MRAS: variants seen among roughly 807,000 people sequenced by gnomAD.
The protein encoded by MRAS is ras-related protein M-Ras.
MRAS carries 4 observed loss-of-function variants against 20.9 expected under a neutral mutation model. That is an observed-to-expected ratio of 0.19 (90% CI 0.09 to 0.44). MRAS has a LOEUF of 0.44. Among genes scored for constraint, MRAS ranks in the 20% least tolerant of loss-of-function variants. The pLI, the probability that MRAS is intolerant of heterozygous loss-of-function variation, is 0.99. For synonymous variants in MRAS, 98 were observed against 102.9 expected (o/e 0.95, Z 0.29); for missense variants, 154 against 277.5 (o/e 0.56, Z 3.16).
intron 1 of MRAS, among the ~76,000 whole-genome samples, chr3:138,370,659 G>T (rs538920381): frequency 2.0e-5 from 3 of 152,310 alleles, no homozygotes; most frequent in Non-Finnish European, 2.9e-5. Flanking sequence ...CAAAGGAGCT[G>T]AAATCCCCAC....
Position 138,402,445 on chromosome 3 carries a change from C to T in MRAS, c.*176C>T, listed in dbSNP as rs150456641. The T allele has an allele frequency of 8.1e-5, 47 of 583,498 alleles. No homozygotes were observed. Among genetic ancestry groups the T allele is most frequent in the African/African-American group, 4.9e-4 (26 of 53,050 alleles). The allele number at this position is 583,498 out of a possible 1,614,324, so 36.1% of individuals were successfully genotyped here. On this transcript the variant is annotated 3_prime_UTR_variant, in exon 6 of 6. Transcript: ENST00000423968. ...AGGGTCTGGCTTTGCCCAGAGGGCA[C>T]GGGCTTTCCCACCTCTCAAAGAGAC...
At chr3:138,397,515 C>A (rs759837390) in intron 3 of MRAS, 38 bp downstream of exon 3, 2 of 1,609,488 alleles carry the variant, frequency 1.2e-6, no homozygotes, top group Non-Finnish European at 1.7e-6. Flanking sequence ...CGGGAAGAGG[C>A]CTGCGCCTGC....
chr3:138,397,896 A>C (rs2055275752), intron 3 of MRAS, among the ~76,000 whole-genome samples: 1 of 152,234 alleles, frequency 6.6e-6, no homozygotes, highest in African/African-American at 2.4e-5. Flanking sequence ...AAAATGGCTC[A>C]AATGTGGGAA....
At chr3:138,371,507 T>C (rs74525605) in intron 1 of MRAS, among the ~76,000 whole-genome samples, 1 of 152,194 alleles carries the variant, frequency 6.6e-6, no homozygotes. Context: ...TTCTTTGTCC[T>C]CCCTGCCACA....
At chr3:138,381,970 C>T (rs1396224426) in intron 2 of MRAS, among the ~76,000 whole-genome samples, 1 of 152,184 alleles carries the variant, frequency 6.6e-6, no homozygotes, top group Non-Finnish European at 1.5e-5. Context: ...GCTTTATGCT[C>T]AGCAGGCCTT....
At chr3:138,369,534 G>A (rs1394714608) in intron 1 of MRAS, among the ~76,000 whole-genome samples, 5 of 152,166 alleles carry the variant, frequency 3.3e-5, no homozygotes, top group South Asian at 2.1e-4. Flanking sequence ...CCAGCGACAG[G>A]CATTGAATGT....
At chr3:138,381,539 TC>T (rs748968043) in intron 2 of MRAS, among the ~76,000 whole-genome samples, 14 of 152,126 alleles carry the variant, frequency 9.2e-5, no homozygotes, top group Non-Finnish European at 1.9e-4. Flanking sequence ...ACCCTCTGGC[TC>T]CCAGCCCCGC....
rs903222733 is a variant in MRAS at position 138,402,322 on chromosome 3, C to G, written c.*53C>G. On this transcript the variant is annotated 3_prime_UTR_variant, in exon 6 of 6. Transcript: ENST00000423968. ...GGTGGCCTGGCCAGCCCTCGGGACC[C>G]CTCCCCACCTAACTGCACTGAAACC... 4.0e-5 allele frequency: 58 copies of G among 1,459,582 alleles called. No individual in the cohort carries two copies. Among genetic ancestry groups the G allele is most frequent in the Non-Finnish European group, 5.3e-5 (55 of 1,045,348 alleles). 90.4% of individuals were successfully genotyped at this position (1,459,582 alleles called of 1,614,324 possible). A position where few individuals can be genotyped will look rare whatever the true frequency, so the allele number is the denominator to read the frequency against.
intron 2 of MRAS, among the ~76,000 whole-genome samples, chr3:138,394,177 C>T (rs1407709411): frequency 1.3e-5 from 2 of 151,918 alleles, no homozygotes; most frequent in Admixed American, 1.3e-4. Context: ...GGGGAAACTG[C>T]CCGGTCCTTG....
intron 1 of MRAS, chr3:138,349,594 C>T (rs560006150): frequency 6.6e-6 from 1 of 152,596 alleles, no homozygotes; most frequent in African/African-American, 2.4e-5. Context: ...CCATCAAGGC[C>T]ACTGGGGCCT....
chr3:138,389,777 TGA>T (rs2055091534), intron 2 of MRAS, among the ~76,000 whole-genome samples: 1 of 151,846 alleles, frequency 6.6e-6, no homozygotes, highest in African/African-American at 2.4e-5. Context: ...TGAAGAGGAC[TGA>T]GAGAGTGGGT....
chr3:138,376,218 C>G (rs1365533125), intron 2 of MRAS, among the ~76,000 whole-genome samples: 1 of 152,170 alleles, frequency 6.6e-6, no homozygotes, highest in African/African-American at 2.4e-5. Context: ...GAACATTGTT[C>G]CTGCAGAAAC....
chr3:138,353,336 A>C (rs925246540), intron 1 of MRAS, among the ~76,000 whole-genome samples: 3 of 152,160 alleles, frequency 2.0e-5, no homozygotes, highest in African/African-American at 7.2e-5. Context: ...ATATGGCCCA[A>C]ATGGGAAAGT....
At chr3:138,397,882 A>G (rs2055275276) in intron 3 of MRAS, among the ~76,000 whole-genome samples, 1 of 150,700 alleles carries the variant, frequency 6.6e-6, no homozygotes, top group Non-Finnish European at 1.5e-5. Flanking sequence ...CAAAAGAGAA[A>G]ACAAAAATGG....
At chr3:138,373,810 T>A (rs2054723481) in intron 2 of MRAS, among the ~76,000 whole-genome samples, 1 of 152,244 alleles carries the variant, frequency 6.6e-6, no homozygotes, top group South Asian at 2.1e-4. Flanking sequence ...ACTGTAGATC[T>A]GTTTGAGGAG....
chr3:138,395,607 T>C (rs1014035111), intron 2 of MRAS, among the ~76,000 whole-genome samples: 5 of 152,200 alleles, frequency 3.3e-5, no homozygotes, highest in African/African-American at 9.7e-5. Context: ...CCTTCTGATA[T>C]TGGTCCTCCT....
intron 2 of MRAS, among the ~76,000 whole-genome samples, chr3:138,384,702 T>C (rs1459662460): frequency 6.6e-6 from 1 of 152,090 alleles, no homozygotes; most frequent in Non-Finnish European, 1.5e-5. Flanking sequence ...CCTGTAAAGC[T>C]GCAGGATGAG....
At chr3:138,391,877 C>T (rs993771410) in intron 2 of MRAS, among the ~76,000 whole-genome samples, 1 of 152,154 alleles carries the variant, frequency 6.6e-6, no homozygotes, top group African/African-American at 2.4e-5. Flanking sequence ...CGGTGGCTTA[C>T]GCCTGTAATC....
In MRAS at chr3:138,385,156, A is replaced by ATTT. The variant is rs34770279; in HGVS notation, c.193+12106_193+12108dup. On this transcript the variant is annotated intron_variant, in intron 2 of 5. Transcript: ENST00000423968. ...CCAAGGGGCGGGGTTTTGATTTGTA[A>ATTT]TTTTTTTTTTTTTTTTTTTTTTTTT... Among the ~76,000 whole-genome samples, 9 of 66,498 alleles carry ATTT rather than the reference A, an allele frequency of 1.4e-4. No homozygotes were observed. The East Asian group carries it at 5.8e-3, about 43-fold the overall frequency. The allele number at this position is 66,498 out of a possible 152,430, so 43.6% of individuals were successfully genotyped here.
Sources: gnomAD v4.1 joint callset for allele counts (sites outside exome capture counted in the v4.1 genomes callset) on GRCh38, gnomAD v4.1.1 for gene constraint, MANE v1.5 for transcripts, NCBI Gene and HGNC (gene_info 2026-07-23, HGNC 2026-07-21) for gene names.